PWWP3A: variants seen among roughly 807,000 people sequenced by gnomAD.
The protein encoded by PWWP3A is PWWP domain containing 3A, DNA repair factor, also known as PWWP domain-containing DNA repair factor 3A.
PWWP3A carries 53 observed loss-of-function variants against 79.0 expected under a neutral mutation model. The ratio of observed to expected loss-of-function variants is 0.67; its 90% CI spans 0.54 to 0.84. PWWP3A has a LOEUF of 0.84. Ranked by LOEUF, PWWP3A falls within the 40% of genes least tolerant of loss-of-function variation. The probability of loss-of-function intolerance (pLI) is 0.00; values close to 1 mark genes in which losing one functional copy is unlikely to be tolerated. For missense variants in PWWP3A, 973 were observed against 948.0 expected (o/e 1.03, Z -0.35); for synonymous variants, 443 against 394.4 (o/e 1.12, Z -1.46).
intron 2 of PWWP3A, 31 bp downstream of exon 2, chr19:1,356,480 T>G (rs1482428726): frequency 1.2e-6 from 2 of 1,608,340 alleles, no homozygotes; most frequent in Non-Finnish European, 1.7e-6. Context: ...ACTTCAGGAC[T>G]TAGAAATGAC....
At position 1,360,325 on chromosome 19, in the gene PWWP3A, C is replaced by T; in HGVS notation, c.404C>T (p.Ser135Phe). The T allele has an allele frequency of 6.2e-7, 1 of 1,613,896 alleles. No individual in the cohort carries two copies. The highest frequency in any genetic ancestry group is 8.5e-7 in the Non-Finnish European group (1 of 1,179,786). The stretch of plus-strand genomic sequence containing the variant: ...GTCTCCTCGCCCTGTGATTCGAACT[C>T]CTCATCTCTTCCCCGCGGAGACGTG... ...EHVSSPCDSNSSSLPRGDVLG... is the reference protein window; with the variant it reads ...EHVSSPCDSNFSSLPRGDVLG... The change falls in exon 5 of 14, where the codon TCC becomes TTC. Residue 135 changes from serine to phenylalanine, a missense_variant. By Grantham distance (155) the Ser-to-Phe change is radical. Coordinates refer to ENST00000591337, the MANE Select transcript of PWWP3A (RefSeq NM_001369789.1). This position sits in a 1 kb window ranked among gnomAD's most constrained non-coding sequence, Gnocchi z 4.4.
intron 12 of PWWP3A, 39 bp downstream of exon 12, chr19:1,371,117 G>T: frequency 6.5e-7 from 1 of 1,536,368 alleles, no homozygotes. Flanking sequence ...GCAGGGAGGG[G>T]CCTGCGCTGG....
chr19:1,366,297 G>A lies in PWWP3A; in HGVS notation c.1285-8G>A. ...TTTGACGTTTTATTTTCTTGGATTT[G>A]TGAACAGGTCAAAAGCGTCAGGCAG... On this transcript the variant is annotated splice_polypyrimidine_tract_variant and splice_region_variant and intron_variant, in intron 7 of 13. Coordinates refer to ENST00000591337, the MANE Select transcript of PWWP3A (RefSeq NM_001369789.1). 6.2e-7 allele frequency: 1 copy of A among 1,613,800 alleles called. No homozygotes were observed. Among genetic ancestry groups the A allele is most frequent in the Non-Finnish European group, 8.5e-7 (1 of 1,179,660 alleles).
At chr19:1,366,479 G>C in intron 8 of PWWP3A, 98 bp downstream of exon 8, 1 of 1,119,764 alleles carries the variant, frequency 8.9e-7, no homozygotes, top group Admixed American at 1.8e-5. Flanking sequence ...ACAGAGGGGA[G>C]GCCCCGGCAG....
rs1404628666 is a variant in PWWP3A at position 1,376,602 on chromosome 19, G to C, written c.*26G>C. 2.5e-6 allele frequency: 4 copies of C among 1,612,202 alleles called. No homozygotes were observed. Among genetic ancestry groups the C allele is most frequent in the African/African-American group, 2.7e-5 (2 of 74,846 alleles). On this transcript the variant is annotated 3_prime_UTR_variant, in exon 14 of 14. Transcript: ENST00000591337. Reference sequence around the variant, plus strand: ...GGGAGCAGCCGGCTGTGCTGTCAGCGGGGCCTGGCGGTGGAAGCGCCTCCA... The same window carrying C: ...GGGAGCAGCCGGCTGTGCTGTCAGCCGGGCCTGGCGGTGGAAGCGCCTCCA...
At chr19:1,375,606 T>A (rs1181738115) in intron 13 of PWWP3A, among the ~76,000 whole-genome samples, 2 of 1,262 alleles carry the variant, frequency 1.6e-3, no homozygotes. Context: ...TATATTATAA[T>A]ATATACAATT....
chr19:1,371,270 C>G (rs1321673213), intron 12 of PWWP3A, 192 bp downstream of exon 12: 2 of 749,522 alleles, frequency 2.7e-6, no homozygotes, highest in Admixed American at 2.0e-5. Context: ...TGACCCTGTG[C>G]GGAGACGGAG....
rs751751929 is a variant in PWWP3A at position 1,356,407 on chromosome 19, G to A, written c.15G>A (p.Lys5=). The change falls in exon 2 of 14, where the codon AAG becomes AAA. Residue 5 remains lysine (K), a synonymous_variant. Transcript: ENST00000591337. ...GAGTGTAAATGATGGCGGATGCCAA[G>A]TATGTCCTCTGCCGATGGGAAAAGC... MADA[K]YVLCRWEKRL... 6.2e-7 allele frequency: 1 copy of A among 1,614,228 alleles called. No individual in the cohort carries two copies. Among genetic ancestry groups the A allele is most frequent in the Non-Finnish European group, 8.5e-7 (1 of 1,180,026 alleles).
rs531920510 is a variant in PWWP3A at position 1,369,567 on chromosome 19, C to T, written c.1499-29C>T. 32 of 1,613,710 alleles carry T rather than the reference C, an allele frequency of 2.0e-5. No individual in the cohort carries two copies. Among genetic ancestry groups the T allele is most frequent in the East Asian group, 6.7e-5 (3 of 44,878 alleles). ...TCCTGGGACTCCTCTTAGGTCTACACAGTGCTCTCTCCCCTCCACCCCCTG... is the reference window on the plus strand; with the variant it reads ...TCCTGGGACTCCTCTTAGGTCTACATAGTGCTCTCTCCCCTCCACCCCCTG... On this transcript the variant is annotated intron_variant, in intron 10 of 13. Coordinates refer to ENST00000591337, the MANE Select transcript of PWWP3A (RefSeq NM_001369789.1). The surrounding 1 kb of genome is among the most constrained non-coding windows in gnomAD (Gnocchi z 4.0).
chr19:1,374,056 A>AT (rs568989898), intron 13 of PWWP3A: 7 of 152,250 alleles, frequency 4.6e-5, no homozygotes, highest in Non-Finnish European at 1.0e-4. Context: ...TGCCGTAAGA[A>AT]TAAGTGAGGT....
At position 1,370,871 on chromosome 19, in the gene PWWP3A, A is replaced by G. The variant is rs1207503259; in HGVS notation, c.1779A>G (p.Leu593=). ...KGAESHLRAI[L]KSRKPSRWLQ... Reference sequence around the variant, plus strand: ...CGGAGAGCCACCTGCGGGCCATCCTAAAGAGCAGGAAGCCATCTCGCTGGC... The same window carrying G: ...CGGAGAGCCACCTGCGGGCCATCCTGAAGAGCAGGAAGCCATCTCGCTGGC... The change falls in exon 12 of 14, where the codon CTA becomes CTG. Residue 593 remains leucine, a synonymous_variant. Coordinates refer to ENST00000591337, the MANE Select transcript of PWWP3A (RefSeq NM_001369789.1). 3 of 1,558,670 alleles carry G rather than the reference A, an allele frequency of 1.9e-6. No homozygotes were observed. Among genetic ancestry groups the G allele is most frequent in the East Asian group, 2.4e-5 (1 of 41,650 alleles).
rs1485840992 is a variant in PWWP3A at position 1,369,649 on chromosome 19, A to G, written c.1549+3A>G. On this transcript the variant is annotated splice_donor_region_variant and intron_variant, in intron 11 of 13. Transcript: ENST00000591337. This position sits in a 1 kb window ranked among gnomAD's most constrained non-coding sequence, Gnocchi z 4.0. ...GGAATATTACGCGGCTGATATAAGT[A>G]AGTCTACAGGCACATCTTGGAAAAT... is the stretch of plus-strand genomic sequence containing the variant. 1.9e-6 allele frequency: 3 copies of G among 1,614,184 alleles called. No homozygotes were observed. Among genetic ancestry groups the G allele is most frequent in the Non-Finnish European group, 2.5e-6 (3 of 1,180,014 alleles).
At chr19:1,375,656 A>G (rs1351955983) in intron 13 of PWWP3A, among the ~76,000 whole-genome samples, 1 of 107,408 alleles carries the variant, frequency 9.3e-6, no homozygotes, top group African/African-American at 3.8e-5. Context: ...ATAATTGTAT[A>G]TATTATATAT....
chr19:1,361,951 C>T (rs2082025624), intron 5 of PWWP3A: 2 of 277,344 alleles, frequency 7.2e-6, no homozygotes, highest in African/African-American at 4.4e-5. Flanking sequence ...AAAAGGGATT[C>T]CCACCCAGGG....
rs1480055486 is a variant in PWWP3A at position 1,376,898 on chromosome 19, G to T, written c.*322G>T. 4.1e-6 allele frequency: 1 copy of T among 241,346 alleles called. No individual in the cohort carries two copies. The highest frequency in any genetic ancestry group is 7.9e-6 in the Non-Finnish European group (1 of 126,122). The allele number at this position is 241,346 out of a possible 1,614,324, so 15.0% of individuals were successfully genotyped here. ...TGGCTGTGCTGTGGTTTCTCCCGAC[G>T]TGCACATCGATCTCGTATGTGTGGC... On this transcript the variant is annotated 3_prime_UTR_variant, in exon 14 of 14. Transcript: ENST00000591337.
intron 6 of PWWP3A, among the ~76,000 whole-genome samples, chr19:1,363,545 G>T (rs2082065800): frequency 6.6e-6 from 1 of 152,234 alleles, no homozygotes; most frequent in Non-Finnish European, 1.5e-5. Flanking sequence ...GCCCCACTGG[G>T]GTTGGGTCAC....
At position 1,369,716 on chromosome 19, in the gene PWWP3A, T is replaced by C. The variant is rs527476168; in HGVS notation, c.1549+70T>C. The C allele has an allele frequency of 3.1e-4, 477 of 1,539,760 alleles. No homozygotes were observed. Among genetic ancestry groups the C allele is most frequent in the Non-Finnish European group, 4.0e-4 (444 of 1,112,448 alleles). On this transcript the variant is annotated intron_variant, in intron 11 of 13. Coordinates refer to ENST00000591337, the MANE Select transcript of PWWP3A (RefSeq NM_001369789.1). The surrounding 1 kb of genome is among the most constrained non-coding windows in gnomAD (Gnocchi z 4.0). ...CCCTTTAGAAAAACAATCTTCTATG[T>C]CTGAAGCTGTGGAAGGGGACGTTGG... is the stretch of plus-strand genomic sequence containing the variant.
At chr19:1,365,419 C>T (rs1044530902) in intron 7 of PWWP3A, among the ~76,000 whole-genome samples, 9 of 152,270 alleles carry the variant, frequency 5.9e-5, no homozygotes, top group East Asian at 1.9e-4. Context: ...AAGACACAAA[C>T]GCCAAAAGGC....
In PWWP3A at chr19:1,376,654, G is replaced by T; in HGVS notation, c.*78G>T. On this transcript the variant is annotated 3_prime_UTR_variant, in exon 14 of 14. Transcript: ENST00000591337. ...TGTGCATGAGCGTGTCTGAAGATGG[G>T]GGGCTCAGGGGGCACGTTTGCGTTT... 1 of 1,401,952 alleles carries T rather than the reference G, an allele frequency of 7.1e-7. No homozygotes were observed. The highest frequency in any genetic ancestry group is 1.2e-5 in the South Asian group (1 of 83,922). 86.8% of individuals were successfully genotyped at this position (1,401,952 alleles called of 1,614,324 possible).
Sources: gnomAD v4.1 joint callset for allele counts (sites outside exome capture counted in the v4.1 genomes callset) on GRCh38, gnomAD v4.1.1 for gene constraint, Gnocchi (gnomAD v3.1) non-coding constraint, MANE v1.5 for transcripts, NCBI Gene and HGNC (gene_info 2026-07-23, HGNC 2026-07-21) for gene names.